Variants in LIMCH1 observed in about 807,000 individuals in gnomAD.
LIMCH1 encodes the protein LIM and calponin homology domains-containing protein 1.
In LIMCH1, 113 loss-of-function variants were observed where a neutral mutation model predicts 176.5. The observed-to-expected ratio is 0.64, with a 90% CI of 0.55 to 0.75. The LOEUF (loss-of-function observed/expected upper bound fraction) is 0.75, where lower values mean the gene tolerates loss of function less well. LIMCH1 is among the 30% of genes least tolerant of loss of function. The pLI is 0.00. For missense variants in LIMCH1, 1,674 were observed against 1,814.9 expected, an observed-to-expected ratio of 0.92 and a Z score of 1.41; for synonymous variants, 619 against 645.9, an observed-to-expected ratio of 0.96 and a Z score of 0.63.
At position 41,666,625 on chromosome 4, in the gene LIMCH1, C is replaced by T; in HGVS notation, c.3356C>T (p.Pro1119Leu). The T allele has an allele frequency of 6.2e-7, 1 of 1,613,972 alleles. No individual in the cohort carries two copies. The highest frequency in any genetic ancestry group is 8.5e-7 in the Non-Finnish European group (1 of 1,179,858). The stretch of plus-strand genomic sequence containing the variant: ...ACATTTCCATTTCTGGACAAAATGC[C>T]TGAAGCCAACCAACTACATTTGCCA... ...TLTFPFLDKM[P>L]EANQLHLPNL... The change falls in exon 21 of 32, where the codon CCT (proline) becomes CTT (leucine). Residue 1119 changes from proline (P) to leucine (L), a missense_variant. By Grantham distance (98) the Pro-to-Leu change is moderately conservative. Transcript: ENST00000503057.
chr4:41,656,787 C>T lies in LIMCH1; in HGVS notation c.3037-4633C>T, dbSNP rs980044533. ...CGCTCAGAGTCACAGAACCGTTGCT[C>T]GGGAAAGGACGTTGGACATCACTTG... On this transcript the variant is annotated intron_variant, in intron 18 of 31. Coordinates refer to ENST00000503057, the MANE Select transcript of LIMCH1 (RefSeq NM_001330672.2). Among the ~76,000 whole-genome samples, 5 of 152,102 alleles carry T rather than the reference C, an allele frequency of 3.3e-5. No individual in the cohort carries two copies. In the South Asian group the frequency reaches 6.2e-4, roughly 19 times the overall value.
chr4:41,502,080 C>T, intron 2 of LIMCH1, among the ~76,000 whole-genome samples: 1 of 145,418 alleles, frequency 6.9e-6, no homozygotes. Context: ...GCCACACTGA[C>T]AGGCCCCAGT....
At chr4:41,422,374 G>A (rs1287243533) in intron 1 of LIMCH1, among the ~76,000 whole-genome samples, 5 of 152,066 alleles carry the variant, frequency 3.3e-5, no homozygotes, top group Admixed American at 6.5e-5. Flanking sequence ...TTTTAGTAGT[G>A]ACGAGGTTTC....
At chr4:41,527,764 A>G (rs1364130473) in intron 3 of LIMCH1, among the ~76,000 whole-genome samples, 12 of 142,328 alleles carry the variant, frequency 8.4e-5, no homozygotes, top group South Asian at 2.4e-4. Flanking sequence ...CGGAGCTTGC[A>G]GTGAGCCAAG....
chr4:41,375,922 A>T (rs2054698568), intron 1 of LIMCH1, among the ~76,000 whole-genome samples: 1 of 152,118 alleles, frequency 6.6e-6, no homozygotes, highest in Non-Finnish European at 1.5e-5. Flanking sequence ...TTTTGAGGGG[A>T]TAGTGATGAT....
In LIMCH1 at chr4:41,371,433, C is replaced by G. The variant is rs542434773; in HGVS notation, c.96+10497C>G. On this transcript the variant is annotated intron_variant, in intron 1 of 26. Transcript: ENST00000313860. ...GTGGAACCATTTTTACTCCCTTTCA[C>G]TTCACGTCTATTTCCCCAGTCTTTT... Among the ~76,000 whole-genome samples the G allele has an allele frequency of 1.0e-3, 153 of 152,290 alleles. 1 individual carries two copies. Among genetic ancestry groups the G allele is most frequent in the Middle Eastern group, 6.8e-3 (2 of 294 alleles).
At chr4:41,579,892 T>G (rs2085127290) in intron 1 of LIMCH1, among the ~76,000 whole-genome samples, 1 of 152,210 alleles carries the variant, frequency 6.6e-6, no homozygotes, top group Non-Finnish European at 1.5e-5. Context: ...TGAAGGCTTT[T>G]CTGTTGCTTA....
intron 1 of LIMCH1, among the ~76,000 whole-genome samples, chr4:41,431,963 A>G (rs59718136): frequency 1.2e-3 from 188 of 152,330 alleles, no homozygotes; most frequent in African/African-American, 4.3e-3. Context: ...TCTTTTTTCT[A>G]TGAAATCATA....
chr4:41,371,275 C>T (rs1049177043), intron 1 of LIMCH1, among the ~76,000 whole-genome samples: 2 of 152,130 alleles, frequency 1.3e-5, no homozygotes, highest in African/African-American at 4.8e-5. Flanking sequence ...GAAACAATTT[C>T]ATCCATATGG....
At position 41,681,100 on chromosome 4, in the gene LIMCH1, C is replaced by A. The variant is rs917159354; in HGVS notation, c.3717+41C>A. On this transcript the variant is annotated intron_variant, in intron 25 of 31. Coordinates refer to ENST00000503057, the MANE Select transcript of LIMCH1 (RefSeq NM_001330672.2). The stretch of plus-strand genomic sequence containing the variant: ...AAAAGCAATTTGTGAAATAAATAAA[C>A]CTAAATGGAAGTACCAAACCCCAAG... 4 of 1,286,390 alleles carry A rather than the reference C, an allele frequency of 3.1e-6. No homozygotes were observed. The African/African-American group carries it at 5.9e-5, about 19-fold the overall frequency. 79.7% of individuals were successfully genotyped at this position (1,286,390 alleles called of 1,614,324 possible). A position where few individuals can be genotyped will look rare whatever the true frequency, so the allele number is the denominator to read the frequency against.
At chr4:41,439,270 A>G (rs937117397) in intron 1 of LIMCH1, among the ~76,000 whole-genome samples, 8 of 152,214 alleles carry the variant, frequency 5.3e-5, no homozygotes, top group African/African-American at 1.9e-4. Context: ...AACAAGCACA[A>G]TTTGCCTGGT....
intron 1 of LIMCH1, among the ~76,000 whole-genome samples, chr4:41,548,521 C>T (rs1045673667): frequency 1.3e-5 from 2 of 152,136 alleles, no homozygotes; most frequent in Non-Finnish European, 2.9e-5. Context: ...ATTAATGACA[C>T]CATCAACTGG....
At chr4:41,360,667 TGCC>T (rs2051841762), upstream of LIMCH1, 4 of 328,288 alleles carry the variant, frequency 1.2e-5, no homozygotes, top group African/African-American at 8.8e-5. The surrounding 1 kb of genome is among the most constrained non-coding windows in gnomAD (Gnocchi z 4.5). Flanking sequence ...CGGGAACAGC[TGCC>T]GCGGCGTCCT....
chr4:41,397,846 A>G (rs1440074478), intron 1 of LIMCH1, among the ~76,000 whole-genome samples: 1 of 152,078 alleles, frequency 6.6e-6, no homozygotes, highest in Non-Finnish European at 1.5e-5. Flanking sequence ...ATATTTCTCT[A>G]GATTATTTTC....
At position 41,632,857 on chromosome 4, in the gene LIMCH1, G is replaced by T. The variant is rs1000280541; in HGVS notation, c.1710G>T (p.Gly570=). 6.5e-7 allele frequency: 1 copy of T among 1,536,148 alleles called. No homozygotes were observed. The highest frequency in any genetic ancestry group is 1.4e-5 in the African/African-American group (1 of 73,172). The change falls in exon 11 of 32, where the codon GGG becomes GGT. Residue 570 remains glycine, a synonymous_variant. Transcript: ENST00000503057. ...WVCSLGECPR[G]TEEVTSKQLP... is the part of the protein sequence containing the mutation. ...GCAGTTTGGGCGAGTGCCCGAGGGG[G>T]ACAGAGGAAGGTGAGGAGCAGTGTT...
chr4:41,487,778 T>G (rs1248386762), intron 1 of LIMCH1, among the ~76,000 whole-genome samples: 1 of 149,458 alleles, frequency 6.7e-6, no homozygotes, highest in Non-Finnish European at 1.5e-5. Context: ...CCTGCCTCCC[T>G]AGTAGCTGGG....
upstream of LIMCH1, among the ~76,000 whole-genome samples, chr4:41,537,464 A>C (rs181885322): frequency 2.1e-3 from 319 of 152,372 alleles, 2 homozygotes; most frequent in African/African-American, 7.5e-3. Flanking sequence ...ATACCAGCAG[A>C]GGACTGTAAA....
chr4:41,588,039 C>T (rs1220550462), intron 1 of LIMCH1, among the ~76,000 whole-genome samples: 2 of 151,976 alleles, frequency 1.3e-5, no homozygotes, highest in Non-Finnish European at 1.5e-5. Context: ...CGCCCATTAA[C>T]TCGTCAATTA....
Position 41,689,664 on chromosome 4 carries a change from C to T in LIMCH1, c.4275+29C>T, listed in dbSNP as rs763877259. 8 of 1,325,358 alleles carry T rather than the reference C, an allele frequency of 6.0e-6. No individual in the cohort carries two copies. In the African/African-American group the frequency reaches 1.0e-4, roughly 17 times the overall value. The allele number at this position is 1,325,358 out of a possible 1,614,324, so 82.1% of individuals were successfully genotyped here. On this transcript the variant is annotated intron_variant, in intron 30 of 31. Transcript: ENST00000503057. Reference sequence around the variant, plus strand: ...CGTACTTACTGCTTTGCTCTCCAGACACAACTTCATGATGTCTTTTGGCAT... The same window carrying T: ...CGTACTTACTGCTTTGCTCTCCAGATACAACTTCATGATGTCTTTTGGCAT...
Sources: allele counts gnomAD v4.1 joint callset (sites outside exome capture counted in the v4.1 genomes callset), GRCh38; gene constraint gnomAD v4.1.1; non-coding constraint Gnocchi (gnomAD v3.1); transcripts MANE v1.5; gene names NCBI Gene and HGNC (gene_info 2026-07-23, HGNC 2026-07-21).